The following OR56A3 variants were observed in gnomAD, a reference collection of about 807,000 sequenced individuals.
The protein encoded by OR56A3 is olfactory receptor family 56 subfamily A member 3, also known as olfactory receptor 56A3.
Under a neutral mutation model 17.5 loss-of-function variants are expected in OR56A3, and 23 were observed. The observed-to-expected ratio is 1.32, with a 90% CI of 0.95 to 1.87. OR56A3 has a LOEUF of 1.87. Among genes scored for constraint, OR56A3 ranks in the 40% most tolerant of loss-of-function variants. OR56A3 has a pLI of 0.00. For missense variants in OR56A3, 366 were observed against 380.1 expected (o/e 0.96, Z 0.31); for synonymous variants, 175 against 150.6 (o/e 1.16, Z -1.19).
At chr11:5,986,893 G>A in the OR56A3 span, 1 of 1,613,462 alleles carries the variant, frequency 6.2e-7, no homozygotes, top group Non-Finnish European at 8.5e-7. Flanking sequence ...CATTATCAAT[G>A]GCTTGGAGAG....
At chr11:5,981,757 T>C in the OR56A3 span, among the ~76,000 whole-genome samples, 4 of 152,310 alleles carry the variant, frequency 2.6e-5, no homozygotes, top group East Asian at 1.9e-4. Flanking sequence ...TTGACAGAGT[T>C]CTTATGCTGG....
chr11:6,010,405 C>T, the OR56A3 span, among the ~76,000 whole-genome samples: 1 of 152,102 alleles, frequency 6.6e-6, no homozygotes, highest in Non-Finnish European at 1.5e-5. Flanking sequence ...AGAGGTGTAG[C>T]CTTTGGGAGG....
At chr11:6,015,597 G>A in the OR56A3 span, among the ~76,000 whole-genome samples, 6 of 152,232 alleles carry the variant, frequency 3.9e-5, no homozygotes, top group East Asian at 7.7e-4. Flanking sequence ...AAAGCCACAG[G>A]GGCAGAGCTG....
chr11:6,018,325 T>A, the OR56A3 span, among the ~76,000 whole-genome samples: 1 of 152,088 alleles, frequency 6.6e-6, no homozygotes, highest in Non-Finnish European at 1.5e-5. Flanking sequence ...AAATAGAATA[T>A]GTATTGGGCC....
the OR56A3 span, among the ~76,000 whole-genome samples, chr11:5,996,440 G>A: frequency 2.6e-5 from 4 of 151,654 alleles, no homozygotes; most frequent in South Asian, 2.1e-4. Flanking sequence ...CCAGTAACCT[G>A]TAGCCCAGCC....
the OR56A3 span, among the ~76,000 whole-genome samples, chr11:5,960,760 G>T: frequency 8.8e-5 from 13 of 146,998 alleles, no homozygotes; most frequent in African/African-American, 3.3e-4. Flanking sequence ...CGGCAGCCCA[G>T]TCTGGGAAGT....
chr11:5,978,905 G>T, the OR56A3 span, among the ~76,000 whole-genome samples: 145 of 152,136 alleles, frequency 9.5e-4, no homozygotes, highest in African/African-American at 3.3e-3. Context: ...TGCCTAGTTT[G>T]TTGCAGGTTT....
chr11:6,014,834 C>G, the OR56A3 span, among the ~76,000 whole-genome samples: 6 of 151,740 alleles, frequency 4.0e-5, no homozygotes, highest in Admixed American at 6.6e-5. Context: ...TAAAGGTCAC[C>G]TTTGTTACAC....
the OR56A3 span, among the ~76,000 whole-genome samples, chr11:5,992,974 TG>T: frequency 6.6e-6 from 1 of 152,218 alleles, no homozygotes; most frequent in East Asian, 1.9e-4. Flanking sequence ...TCACTAGTCA[TG>T]GGATGACATA....
At chr11:5,968,367 C>T in the OR56A3 span, 10 of 1,613,644 alleles carry the variant, frequency 6.2e-6, no homozygotes, top group African/African-American at 1.3e-5. Flanking sequence ...GGCATTGGCC[C>T]CCATGGCCAG....
chr11:5,983,632 G>A, the OR56A3 span, among the ~76,000 whole-genome samples: 152 of 152,164 alleles, frequency 1.0e-3, no homozygotes, highest in Non-Finnish European at 1.7e-3. Flanking sequence ...CACAGAGGAA[G>A]GCTCTTCTTC....
At chr11:6,004,199 A>C in the OR56A3 span, among the ~76,000 whole-genome samples, 1 of 152,132 alleles carries the variant, frequency 6.6e-6, no homozygotes, top group Non-Finnish European at 1.5e-5. Flanking sequence ...TAAAAATACA[A>C]AAATTAGCTG....
At chr11:5,975,872 G>A in the OR56A3 span, among the ~76,000 whole-genome samples, 2 of 152,016 alleles carry the variant, frequency 1.3e-5, no homozygotes, top group African/African-American at 4.8e-5. Flanking sequence ...AGCACCTGTT[G>A]TTTCCTGACT....
At chr11:5,997,473 A>G in the OR56A3 span, among the ~76,000 whole-genome samples, 11 of 152,154 alleles carry the variant, frequency 7.2e-5, no homozygotes, top group African/African-American at 2.7e-4. Flanking sequence ...CCTAAGCTCC[A>G]CTCTGCCACT....
At chr11:5,953,106 G>A (rs954768668), downstream of OR56A3, among the ~76,000 whole-genome samples, 6 of 152,142 alleles carry the variant, frequency 3.9e-5, no homozygotes, top group South Asian at 4.1e-4. Context: ...ATAGTGCTGC[G>A]ATAAATGTGC....
At chr11:5,996,604 A>C in the OR56A3 span, among the ~76,000 whole-genome samples, 1 of 152,112 alleles carries the variant, frequency 6.6e-6, no homozygotes, top group Non-Finnish European at 1.5e-5. Flanking sequence ...GTTCTTTCAC[A>C]TAAGATGTAT....
At chr11:5,992,561 C>T in the OR56A3 span, among the ~76,000 whole-genome samples, 1 of 152,158 alleles carries the variant, frequency 6.6e-6, no homozygotes, top group East Asian at 1.9e-4. Context: ...TGAAAAAAGA[C>T]AAATGCTGCC....
the OR56A3 span, among the ~76,000 whole-genome samples, chr11:5,960,203 G>C: frequency 6.6e-6 from 1 of 152,072 alleles, no homozygotes; most frequent in Non-Finnish European, 1.5e-5. Flanking sequence ...GAAGACTGTC[G>C]TTGGTACTTT....
At chr11:6,004,879 A>G in the OR56A3 span, among the ~76,000 whole-genome samples, 3 of 152,218 alleles carry the variant, frequency 2.0e-5, no homozygotes, top group African/African-American at 7.2e-5. Context: ...AGACAGCAGT[A>G]CGTTGCATAA....
Sources: allele counts gnomAD v4.1 joint callset (sites outside exome capture counted in the v4.1 genomes callset), GRCh38; gene constraint gnomAD v4.1.1; transcripts MANE v1.5; gene names NCBI Gene and HGNC (gene_info 2026-07-23, HGNC 2026-07-21).